Variants in PTPRD observed in about 807,000 individuals in gnomAD.
PTPRD encodes the protein receptor-type tyrosine-protein phosphatase delta.
Under a neutral mutation model 214.5 loss-of-function variants are expected in PTPRD, and 34 were observed. That is an observed-to-expected ratio of 0.16 (90% CI 0.12 to 0.21). The LOEUF (loss-of-function observed/expected upper bound fraction) is 0.21. Among genes scored for constraint, PTPRD ranks in the 10% least tolerant of loss-of-function variants. The probability of loss-of-function intolerance (pLI) is 1.00; values close to 1 mark genes in which losing one functional copy is unlikely to be tolerated. For synonymous variants in PTPRD, 1,128 were observed against 845.7 expected (o/e 1.33, Z -5.79); for missense variants, 2,545 against 2,398.7 (o/e 1.06, Z -1.27).
chr9:10,163,232 G>A (rs1592844155), intron 3 of PTPRD, among the ~76,000 whole-genome samples: 2 of 147,968 alleles, frequency 1.4e-5, no homozygotes, highest in Non-Finnish European at 3.0e-5. Context: ...TTCTCATGGA[G>A]GCCAGTTTTT....
chr9:9,499,757 G>A (rs1255370301), intron 8 of PTPRD, among the ~76,000 whole-genome samples: 1 of 151,980 alleles, frequency 6.6e-6, no homozygotes, highest in Non-Finnish European at 1.5e-5. Flanking sequence ...TAGTGTTAAT[G>A]CCCTCTAGTG....
intron 3 of PTPRD, among the ~76,000 whole-genome samples, chr9:10,067,453 T>A (rs967121486): frequency 6.6e-6 from 1 of 151,872 alleles, no homozygotes; most frequent in African/African-American, 2.4e-5. Flanking sequence ...CTAACATAAT[T>A]TTCAGTTTAC....
intron 11 of PTPRD, among the ~76,000 whole-genome samples, chr9:8,818,677 A>G (rs992415463): frequency 1.3e-5 from 2 of 152,232 alleles, no homozygotes; most frequent in East Asian, 3.8e-4. Context: ...CTAAGAACAG[A>G]CCAAATACTT....
At chr9:8,769,735 T>G (rs1169147730) in intron 11 of PTPRD, among the ~76,000 whole-genome samples, 1 of 152,082 alleles carries the variant, frequency 6.6e-6, no homozygotes, top group African/African-American at 2.4e-5. Flanking sequence ...AAAAACTTTA[T>G]TGTTTTATAT....
At chr9:8,936,951 T>A (rs982784510) in intron 11 of PTPRD, among the ~76,000 whole-genome samples, 1 of 152,198 alleles carries the variant, frequency 6.6e-6, no homozygotes, top group Non-Finnish European at 1.5e-5. Flanking sequence ...TCAACTCATC[T>A]AGTAAGAGGA....
intron 2 of PTPRD, among the ~76,000 whole-genome samples, chr9:10,456,235 G>A (rs535500324): frequency 1.3e-5 from 2 of 151,934 alleles, no homozygotes; most frequent in South Asian, 4.1e-4. Context: ...AATTAAATGG[G>A]TATAGTTTTA....
At chr9:9,886,865 C>A (rs578195323) in intron 5 of PTPRD, among the ~76,000 whole-genome samples, 1 of 152,022 alleles carries the variant, frequency 6.6e-6, no homozygotes. Flanking sequence ...CATGGGAAAG[C>A]CTTTAGACTA....
chr9:10,493,686 T>G (rs551119620), intron 2 of PTPRD, among the ~76,000 whole-genome samples: 1 of 152,022 alleles, frequency 6.6e-6, no homozygotes, highest in Non-Finnish European at 1.5e-5. Context: ...ATTCTTATAT[T>G]TTCATTTTCT....
chr9:10,282,030 T>C (rs1409576732), intron 3 of PTPRD, among the ~76,000 whole-genome samples: 3 of 150,546 alleles, frequency 2.0e-5, no homozygotes, highest in African/African-American at 7.3e-5. Context: ...GATGAAAGCC[T>C]GTAGGAATCA....
At chr9:8,743,634 A>C (rs1484245048) in intron 11 of PTPRD, among the ~76,000 whole-genome samples, 4 of 152,160 alleles carry the variant, frequency 2.6e-5, no homozygotes, top group African/African-American at 4.8e-5. Flanking sequence ...TCTATGACCC[A>C]AAACCGTAAC....
At chr9:9,028,559 G>C (rs144926891) in intron 10 of PTPRD, among the ~76,000 whole-genome samples, 1 of 151,888 alleles carries the variant, frequency 6.6e-6, no homozygotes, top group Non-Finnish European at 1.5e-5. Flanking sequence ...GATTAATAAA[G>C]TCTATTTATT....
intron 9 of PTPRD, among the ~76,000 whole-genome samples, chr9:9,220,174 T>C (rs561255193): frequency 5.3e-5 from 8 of 152,204 alleles, no homozygotes; most frequent in Admixed American, 4.6e-4. Flanking sequence ...CCTAAACTCA[T>C]GCCTGTGACA....
At chr9:9,277,856 G>T (rs988519087) in intron 9 of PTPRD, among the ~76,000 whole-genome samples, 1 of 151,324 alleles carries the variant, frequency 6.6e-6, no homozygotes, top group African/African-American at 2.4e-5. Context: ...CCAGAAAATT[G>T]TGTTTCTTAA....
intron 7 of PTPRD, among the ~76,000 whole-genome samples, chr9:9,626,748 A>G (rs193158551): frequency 6.6e-6 from 1 of 152,308 alleles, no homozygotes; most frequent in Admixed American, 6.5e-5. Flanking sequence ...TAGAGATAAG[A>G]ATACATTTTC....
intron 5 of PTPRD, among the ~76,000 whole-genome samples, chr9:9,845,730 A>G (rs1001372522): frequency 2.2e-4 from 34 of 152,106 alleles, no homozygotes; most frequent in African/African-American, 8.2e-4. Flanking sequence ...GAAATCAATC[A>G]TATGAGAGAA....
chr9:9,706,356 A>T (rs113414961), intron 7 of PTPRD, among the ~76,000 whole-genome samples: 1,784 of 152,258 alleles, frequency 0.012, 28 homozygotes, highest in African/African-American at 0.041. Context: ...GTTTCCTTCC[A>T]ATGTATTATC....
At chr9:10,111,884 A>T (rs1444477272) in intron 3 of PTPRD, among the ~76,000 whole-genome samples, 2 of 152,222 alleles carry the variant, frequency 1.3e-5, no homozygotes, top group Admixed American at 1.3e-4. Flanking sequence ...AAGATTGCAT[A>T]CATAAAGACA....
In PTPRD at chr9:9,567,096, G is replaced by A. The variant is rs146801842; in HGVS notation, c.-237+7636C>T. Among the ~76,000 whole-genome samples, 522 of 152,140 alleles carry A rather than the reference G, an allele frequency of 3.4e-3. 2 individuals carry two copies. The highest frequency in any genetic ancestry group is 0.013 in the East Asian group (65 of 5,180). On this transcript the variant is annotated intron_variant, in intron 8 of 45. Coordinates refer to ENST00000381196, the MANE Select transcript of PTPRD (RefSeq NM_002839.4). ...TGAAGGTCAATGGGAAAATGAAAGCGCACATAGGTCACCTGAAGATTCATG... is the reference window on the plus strand; with the variant it reads ...TGAAGGTCAATGGGAAAATGAAAGCACACATAGGTCACCTGAAGATTCATG...
chr9:8,444,880 A>G (rs1194880342), intron 34 of PTPRD, among the ~76,000 whole-genome samples: 1 of 152,194 alleles, frequency 6.6e-6, no homozygotes, highest in African/African-American at 2.4e-5. Flanking sequence ...TTAACAAGCA[A>G]CATATCTATT....
Sources: gnomAD v4.1 joint callset for allele counts (sites outside exome capture counted in the v4.1 genomes callset) on GRCh38, gnomAD v4.1.1 for gene constraint, MANE v1.5 for transcripts, NCBI Gene and HGNC (gene_info 2026-07-23, HGNC 2026-07-21) for gene names.